FDFT1: variants seen among roughly 807,000 people sequenced by gnomAD.
FDFT1 encodes squalene synthase.
FDFT1 carries 68 observed loss-of-function variants against 46.8 expected under a neutral mutation model. The ratio of observed to expected loss-of-function variants is 1.45; its 90% CI spans 1.19 to 1.78. FDFT1 has a LOEUF of 1.78. Ranked by LOEUF, FDFT1 falls within the 40% of genes most tolerant of loss-of-function variation. The probability of loss-of-function intolerance (pLI) is 0.00; values close to 1 mark genes in which losing one functional copy is unlikely to be tolerated. For missense variants in FDFT1, 928 were observed against 524.4 expected, an observed-to-expected ratio of 1.77 and a Z score of -7.52; for synonymous variants, 351 against 185.1, an observed-to-expected ratio of 1.90 and a Z score of -7.28.
intron 1 of FDFT1, among the ~76,000 whole-genome samples, chr8:11,804,734 G>C (rs953901047): frequency 1.3e-5 from 2 of 151,090 alleles, no homozygotes; most frequent in Non-Finnish European, 2.9e-5. Context: ...AGCCTGCTGA[G>C]TAGCTGGGAT....
At chr8:11,835,459 T>C (rs910737506) in intron 7 of FDFT1, among the ~76,000 whole-genome samples, 2 of 152,224 alleles carry the variant, frequency 1.3e-5, no homozygotes, top group East Asian at 3.9e-4. Context: ...GTTTTGCCAC[T>C]AATTGTATTA....
chr8:11,830,838 A>C (rs1365805638), intron 6 of FDFT1, among the ~76,000 whole-genome samples: 1 of 152,180 alleles, frequency 6.6e-6, no homozygotes, highest in Non-Finnish European at 1.5e-5. Context: ...GGTCCGGTAG[A>C]CCTAGCCTCT....
At chr8:11,827,068 T>C (rs1023926645) in intron 5 of FDFT1, among the ~76,000 whole-genome samples, 1 of 152,182 alleles carries the variant, frequency 6.6e-6, no homozygotes, top group African/African-American at 2.4e-5. Context: ...TTGATACTGA[T>C]TTTGTTCAGA....
chr8:11,799,517 C>G (rs113097958), upstream of FDFT1, among the ~76,000 whole-genome samples: 2 of 152,142 alleles, frequency 1.3e-5, no homozygotes, highest in African/African-American at 4.8e-5. Flanking sequence ...GAGTCTGTTC[C>G]GTTAGTCTTA....
At position 11,828,171 on chromosome 8, in the gene FDFT1, C is replaced by A. The variant is rs550840217; in HGVS notation, c.702+1956C>A. On this transcript the variant is annotated intron_variant, in intron 5 of 7. Coordinates refer to ENST00000220584, the MANE Select transcript of FDFT1 (RefSeq NM_004462.5). The stretch of plus-strand genomic sequence containing the variant: ...GGTATAGTGGCACACCCCTATAGTT[C>A]TCGCTCCTTGGGAGGTTGAGGCAGG... Among the ~76,000 whole-genome samples, 237 of 152,166 alleles carry A rather than the reference C, an allele frequency of 1.6e-3. 2 individuals are homozygous for A. The highest frequency in any genetic ancestry group is 5.6e-3 in the African/African-American group (233 of 41,506).
chr8:11,808,183 C>A, intron 1 of FDFT1: 1 of 944,508 alleles, frequency 1.1e-6, no homozygotes, highest in Non-Finnish European at 1.3e-6. Context: ...GCGTTGAGTA[C>A]AAAGTCCAGG....
chr8:11,828,220 C>G lies in FDFT1; in HGVS notation c.702+2005C>G, dbSNP rs189765608. The stretch of plus-strand genomic sequence containing the variant: ...GGAGGATTGCCTGAGCCCAGGAGTT[C>G]AAGGCTGCAGTGAACCATGATCGCA... On this transcript the variant is annotated intron_variant, in intron 5 of 7. Transcript: ENST00000220584. Among the ~76,000 whole-genome samples the G allele has an allele frequency of 4.7e-3, 722 of 152,226 alleles. 2 individuals are homozygous for G. Among genetic ancestry groups the G allele is most frequent in the Non-Finnish European group, 7.4e-3 (500 of 68,024 alleles).
Position 11,838,378 on chromosome 8 carries a change from T to A in FDFT1, c.1033-10T>A, listed in dbSNP as rs763177462. 6.2e-7 allele frequency: 1 copy of A among 1,607,746 alleles called. No individual in the cohort carries two copies. The highest frequency in any genetic ancestry group is 1.7e-5 in the Admixed American group (1 of 60,010). On this transcript the variant is annotated splice_polypyrimidine_tract_variant and intron_variant, in intron 7 of 7. Transcript: ENST00000220584. ...ATAGCACTTATCATTTTTTCCTGTGTCTTTAACAGATTTATCATAGAATCC... is the reference window on the plus strand; with the variant it reads ...ATAGCACTTATCATTTTTTCCTGTGACTTTAACAGATTTATCATAGAATCC...
chr8:11,806,477 A>AG (rs975830028), intron 1 of FDFT1, among the ~76,000 whole-genome samples: 2 of 152,166 alleles, frequency 1.3e-5, no homozygotes, highest in Admixed American at 6.5e-5. Flanking sequence ...CAGGGGTACG[A>AG]GCTGGAGGAG....
chr8:11,811,650 T>G (rs988164550), intron 3 of FDFT1, among the ~76,000 whole-genome samples: 3 of 152,266 alleles, frequency 2.0e-5, no homozygotes, highest in African/African-American at 7.2e-5. Flanking sequence ...ATGTGAACAC[T>G]GAACTCATCG....
chr8:11,837,655 C>T (rs1325802966), intron 7 of FDFT1, among the ~76,000 whole-genome samples: 1 of 151,906 alleles, frequency 6.6e-6, no homozygotes, highest in Non-Finnish European at 1.5e-5. Flanking sequence ...CTTTTTTTCT[C>T]CAGGTGAGAG....
At chr8:11,816,867 C>G (rs773097339) in intron 3 of FDFT1, among the ~76,000 whole-genome samples, 3 of 152,188 alleles carry the variant, frequency 2.0e-5, no homozygotes, top group African/African-American at 4.8e-5. Context: ...ATTTCTTTCT[C>G]TTGCCTGATT....
chr8:11,831,879 G>A (rs2130880281), intron 7 of FDFT1: 2 of 496,030 alleles, frequency 4.0e-6, no homozygotes, highest in Non-Finnish European at 7.2e-6. Flanking sequence ...CCTGGTGAGA[G>A]GAGATAAATG....
intron 5 of FDFT1, among the ~76,000 whole-genome samples, chr8:11,829,077 C>T (rs912046846): frequency 3.3e-5 from 5 of 152,210 alleles, no homozygotes; most frequent in African/African-American, 7.2e-5. Flanking sequence ...AGCTGCCAGA[C>T]GCTTTTCCAA....
rs1563312929 is a variant in FDFT1 at position 11,815,669 on chromosome 8, CCTTT to C, written c.381+5820_381+5823del. ...TGTCTGTTGGCTGCATAAATGTCTT[CCTTT>C]GAGAAGTGTCTGTTCATATCCTTTG... is the stretch of plus-strand genomic sequence containing the variant. On this transcript the variant is annotated intron_variant, in intron 3 of 7. Coordinates refer to ENST00000220584, the MANE Select transcript of FDFT1 (RefSeq NM_004462.5). Among the ~76,000 whole-genome samples, 4 of 152,264 alleles carry C rather than the reference CCTTT, an allele frequency of 2.6e-5. No individual in the cohort carries two copies. The South Asian group carries it at 6.2e-4, about 24-fold the overall frequency.
intron 1 of FDFT1, chr8:11,808,189 C>A: frequency 1.0e-6 from 1 of 988,370 alleles, no homozygotes; most frequent in African/African-American, 1.7e-5. Context: ...AGTACAAAGT[C>A]CAGGCCTTAT....
At chr8:11,819,785 C>G (rs1013239346) in intron 3 of FDFT1, among the ~76,000 whole-genome samples, 1 of 152,068 alleles carries the variant, frequency 6.6e-6, no homozygotes, top group Non-Finnish European at 1.5e-5. Flanking sequence ...TGCGATCGGT[C>G]AGAACGTGCT....
chr8:11,836,260 G>A (rs919242454), intron 7 of FDFT1, among the ~76,000 whole-genome samples: 1 of 152,142 alleles, frequency 6.6e-6, no homozygotes, highest in African/African-American at 2.4e-5. Flanking sequence ...TGGCATCAGG[G>A]CACTCAGGTC....
In FDFT1 at chr8:11,821,888, A is replaced by G. The variant is rs960832845; in HGVS notation, c.510+10A>G. Reference sequence around the variant, plus strand: ...ACAGGAGTGGGACAAGGTTAGTCTCATAAAACAGTGTCTGTGTGTGATGTA... The same window carrying G: ...ACAGGAGTGGGACAAGGTTAGTCTCGTAAAACAGTGTCTGTGTGTGATGTA... On this transcript the variant is annotated intron_variant, in intron 4 of 7. Coordinates refer to ENST00000220584, the MANE Select transcript of FDFT1 (RefSeq NM_004462.5). 1.2e-6 allele frequency: 2 copies of G among 1,611,604 alleles called. No homozygotes were observed. Among genetic ancestry groups the G allele is most frequent in the Non-Finnish European group, 1.7e-6 (2 of 1,178,266 alleles).
Sources: gnomAD v4.1 joint callset for allele counts (sites outside exome capture counted in the v4.1 genomes callset) on GRCh38, gnomAD v4.1.1 for gene constraint, MANE v1.5 for transcripts, NCBI Gene and HGNC (gene_info 2026-07-23, HGNC 2026-07-21) for gene names.